THRB: variants seen among roughly 807,000 people sequenced by gnomAD.
The protein encoded by THRB is nuclear receptor subfamily 1 group A member 2.
In THRB, 12 loss-of-function variants were observed where a neutral mutation model predicts 47.8. The ratio of observed to expected loss-of-function variants is 0.25; its 90% confidence interval spans 0.16 to 0.41. The LOEUF (loss-of-function observed/expected upper bound fraction) is 0.41, where lower values mean the gene tolerates loss of function less well. Ranked by LOEUF, THRB falls within the 10% of genes least tolerant of loss-of-function variation. The pLI is 1.00. For missense variants in THRB, 348 were observed against 589.2 expected (o/e 0.59, Z 4.24); for synonymous variants, 218 against 212.2 (o/e 1.03, Z -0.24).
chr3:24,194,414 C>G (rs190280427), intron 4 of THRB, among the ~76,000 whole-genome samples: 5 of 152,016 alleles, frequency 3.3e-5, no homozygotes, highest in African/African-American at 1.2e-4. Context: ...AATTATGAAC[C>G]GTTTACTCTT....
intron 1 of THRB, among the ~76,000 whole-genome samples, chr3:24,443,914 A>C (rs2071798124): frequency 1.3e-5 from 2 of 152,222 alleles, no homozygotes. Flanking sequence ...ATTTGACTCC[A>C]GCTCTGTCTG....
At chr3:24,414,210 T>G (rs563035411) in intron 1 of THRB, among the ~76,000 whole-genome samples, 2 of 152,014 alleles carry the variant, frequency 1.3e-5, no homozygotes, top group South Asian at 4.1e-4. Context: ...AAACACATCT[T>G]TTTAAAGAGA....
intron 1 of THRB, among the ~76,000 whole-genome samples, chr3:24,381,488 G>A (rs1367631381): frequency 2.6e-5 from 4 of 152,104 alleles, no homozygotes; most frequent in Admixed American, 6.5e-5. Context: ...CACCTAAGGT[G>A]AGAATAACTC....
intron 4 of THRB, among the ~76,000 whole-genome samples, chr3:24,218,123 C>G (rs1444402444): frequency 2.0e-5 from 3 of 151,994 alleles, no homozygotes; most frequent in African/African-American, 7.2e-5. Context: ...AAAAAACTAG[C>G]TGGGCATGGT....
intron 1 of THRB, among the ~76,000 whole-genome samples, chr3:24,365,189 C>T (rs572011349): frequency 6.6e-6 from 1 of 152,300 alleles, no homozygotes; most frequent in African/African-American, 2.4e-5. Flanking sequence ...TATTCACCAA[C>T]AGTTACTTGA....
At position 24,269,376 on chromosome 3, in the gene THRB, TCATAGCTCAC is replaced by T. The variant is rs1239907491; in HGVS notation, c.-43+27840_-43+27849del. ...AGTGCAGCGACACCATCATAGCTCA[TCATAGCTCAC>T]ACGCGCGCGCGCGCGCGCACACACA... On this transcript the variant is annotated intron_variant, in intron 3 of 10. Transcript: ENST00000646209. Among the ~76,000 whole-genome samples the T allele has an allele frequency of 6.6e-5, 8 of 121,724 alleles. 1 individual carries two copies. Among genetic ancestry groups the T allele is most frequent in the African/African-American group, 1.7e-4 (5 of 30,210 alleles). The allele number at this position is 121,724 out of a possible 152,430, so 79.9% of individuals were successfully genotyped here.
intron 7 of THRB, among the ~76,000 whole-genome samples, chr3:24,146,246 T>G (rs1346945860): frequency 6.6e-6 from 1 of 152,134 alleles, no homozygotes; most frequent in Non-Finnish European, 1.5e-5. Flanking sequence ...CTGTCTTTGC[T>G]CTTGAAAAAA....
At chr3:24,379,967 C>G (rs904423755) in intron 1 of THRB, among the ~76,000 whole-genome samples, 6 of 151,280 alleles carry the variant, frequency 4.0e-5, no homozygotes, top group African/African-American at 1.5e-4. Context: ...CACATTCTTC[C>G]TTTTTGGTAT....
chr3:24,122,767 CT>C lies in THRB; in HGVS notation c.*116del. The C allele has an allele frequency of 6.8e-7, 1 of 1,479,614 alleles. No homozygotes were observed. Among genetic ancestry groups the C allele is most frequent in the Non-Finnish European group, 9.4e-7 (1 of 1,063,654 alleles). 91.7% of individuals were successfully genotyped at this position (1,479,614 alleles called of 1,614,324 possible). On this transcript the variant is annotated 3_prime_UTR_variant, in exon 11 of 11. Coordinates refer to ENST00000646209, the MANE Select transcript of THRB (RefSeq NM_001354712.2). ...CATGTCTATGCCAAGGACTACTTCC[CT>C]TTTCCCTCCCAAATAATCCCTCCCA... is the stretch of plus-strand genomic sequence containing the variant.
rs57275069 is a variant in THRB at position 24,254,199 on chromosome 3, TAAAAAAAAAAAAAAAAAAAAAAAAAA to T, written c.-42-25224_-42-25199del. On this transcript the variant is annotated intron_variant, in intron 3 of 10. Transcript: ENST00000646209. ...TAACACAGTGAAACCCTGTCTCTAC[TAAAAAAAAAAAAAAAAAAAAAAAAAA>T]AAAAAAAAAAAAAAAAAAAATTAGC... Among the ~76,000 whole-genome samples the T allele has an allele frequency of 5.8e-4, 20 of 34,584 alleles. No individual in the cohort carries two copies. In the Admixed American group the frequency reaches 6.3e-3, roughly 11 times the overall value. The allele number at this position is 34,584 out of a possible 152,430, so 22.7% of individuals were successfully genotyped here.
At chr3:24,225,424 C>T (rs1248941752) in intron 4 of THRB, among the ~76,000 whole-genome samples, 2 of 152,184 alleles carry the variant, frequency 1.3e-5, no homozygotes, top group Non-Finnish European at 2.9e-5. Flanking sequence ...ATGGGGAATA[C>T]ATTATTCACA....
At chr3:24,152,176 T>TA (rs763829428) in intron 6 of THRB, among the ~76,000 whole-genome samples, 4 of 152,358 alleles carry the variant, frequency 2.6e-5, no homozygotes, top group Non-Finnish European at 5.9e-5. Context: ...AACCAGACAT[T>TA]ACACTCATTT....
intron 4 of THRB, among the ~76,000 whole-genome samples, chr3:24,194,781 G>A (rs1559564269): frequency 6.6e-6 from 1 of 152,162 alleles, no homozygotes; most frequent in Admixed American, 6.5e-5. Flanking sequence ...AAAGAAGGGA[G>A]AATTAGATTA....
chr3:24,288,656 G>A (rs1341936478), intron 3 of THRB, among the ~76,000 whole-genome samples: 6 of 152,172 alleles, frequency 3.9e-5, no homozygotes. Flanking sequence ...GCCTGTGATT[G>A]ACTGCCAAGA....
intron 1 of THRB, among the ~76,000 whole-genome samples, chr3:24,432,099 C>T (rs1468834705): frequency 6.6e-6 from 1 of 151,936 alleles, no homozygotes; most frequent in Non-Finnish European, 1.5e-5. Context: ...ATTCTACTTC[C>T]TAAAATGAGT....
At chr3:24,170,189 A>G (rs1165055821) in intron 5 of THRB, among the ~76,000 whole-genome samples, 1 of 152,148 alleles carries the variant, frequency 6.6e-6, no homozygotes, top group African/African-American at 2.4e-5. Flanking sequence ...TCCACCTGGG[A>G]GCTTAAGCAA....
chr3:24,201,500 G>A (rs1056283053), intron 4 of THRB, among the ~76,000 whole-genome samples: 1 of 152,200 alleles, frequency 6.6e-6, no homozygotes, highest in Non-Finnish European at 1.5e-5. Flanking sequence ...ATCCCCATGT[G>A]ACTCACATGC....
At chr3:24,462,556 C>A (rs978599049) in intron 1 of THRB, among the ~76,000 whole-genome samples, 3 of 152,158 alleles carry the variant, frequency 2.0e-5, no homozygotes, top group African/African-American at 4.8e-5. Flanking sequence ...TGTGGTAATA[C>A]ATAGTAAAGA....
intron 1 of THRB, among the ~76,000 whole-genome samples, chr3:24,467,457 T>G (rs2074246605): frequency 6.6e-6 from 1 of 152,234 alleles, no homozygotes; most frequent in African/African-American, 2.4e-5. Context: ...CACAGATCAA[T>G]CAGAGGAATC....
Sources: gnomAD v4.1 joint callset for allele counts (sites outside exome capture counted in the v4.1 genomes callset) on GRCh38, gnomAD v4.1.1 for gene constraint, MANE v1.5 for transcripts, NCBI Gene and HGNC (gene_info 2026-07-23, HGNC 2026-07-21) for gene names.